The following MEIKIN variants were observed in gnomAD, a reference collection of about 807,000 sequenced individuals.
MEIKIN encodes the protein meiosis-specific kinetochore protein.
At chr5:131,870,723 T>G (rs886493401) in intron 9 of MEIKIN, among the ~76,000 whole-genome samples, 2 of 152,180 alleles carry the variant, frequency 1.3e-5, no homozygotes, top group Admixed American at 1.3e-4. Context: ...ATCGATCAAC[T>G]CTACAGGCAA....
At chr5:131,942,097 A>C (rs1381214152) in intron 4 of MEIKIN, among the ~76,000 whole-genome samples, 3 of 152,172 alleles carry the variant, frequency 2.0e-5, no homozygotes, top group Non-Finnish European at 4.4e-5. Flanking sequence ...AAATGACTTC[A>C]ATGACTTTTT....
intron 8 of MEIKIN, among the ~76,000 whole-genome samples, chr5:131,893,948 T>C (rs1750986342): frequency 1.3e-5 from 2 of 152,212 alleles, no homozygotes. Flanking sequence ...ATTGCTTTTG[T>C]TGTTTTAGTC....
At chr5:131,859,345 A>T (rs575434421) in intron 9 of MEIKIN, among the ~76,000 whole-genome samples, 4 of 152,256 alleles carry the variant, frequency 2.6e-5, no homozygotes, top group Non-Finnish European at 5.9e-5. Context: ...TTCCCATCCA[A>T]ATCTCATGTT....
chr5:131,824,025 T>A (rs959510985), intron 11 of MEIKIN, among the ~76,000 whole-genome samples: 5 of 152,138 alleles, frequency 3.3e-5, no homozygotes, highest in African/African-American at 4.8e-5. Context: ...GGAATCTCTA[T>A]CTCTCTTTGC....
At chr5:131,874,326 C>A (rs1319018580) in intron 9 of MEIKIN, among the ~76,000 whole-genome samples, 1 of 152,140 alleles carries the variant, frequency 6.6e-6, no homozygotes, top group African/African-American at 2.4e-5. Context: ...CACCACCGAT[C>A]CCACAGAAAT....
rs570202526 is a variant in MEIKIN, at chr5:131,871,086, G to A, written c.774+7892C>T. 1.8e-3 allele frequency among the ~76,000 whole-genome samples: 278 copies of A among 152,312 alleles called. 2 individuals carry two copies. The highest frequency in any genetic ancestry group is 2.9e-3 in the Non-Finnish European group (194 of 68,038). ...TCCCAGCATGAGCGACGCAGAAGAC[G>A]GGTGATTTCTGCATTTCCAACTGAG... On this transcript the variant is annotated intron_variant, in intron 9 of 12. Transcript: ENST00000442687.
chr5:131,899,009 G>A (rs56693941), intron 8 of MEIKIN, among the ~76,000 whole-genome samples: 4,054 of 152,224 alleles, frequency 0.027, 190 homozygotes, highest in African/African-American at 0.092. Context: ...CTTCTGTGTC[G>A]ATCACGCTGG....
intron 5 of MEIKIN, among the ~76,000 whole-genome samples, chr5:131,924,283 A>T (rs1453773144): frequency 6.6e-6 from 1 of 152,154 alleles, no homozygotes; most frequent in African/African-American, 2.4e-5. Flanking sequence ...TGCTGCAATG[A>T]ATAAGGGAGT....
rs143888800 is a variant in MEIKIN, at chr5:131,905,502, C to T, written c.703+6313G>A. ...ATACAAAACATCAATGAATCAGGGGCTACTTCTCTAAAAGAATTAATCTGA... is the reference window on the plus strand; with the variant it reads ...ATACAAAACATCAATGAATCAGGGGTTACTTCTCTAAAAGAATTAATCTGA... On this transcript the variant is annotated intron_variant, in intron 8 of 12. Transcript: ENST00000442687. Among the ~76,000 whole-genome samples the T allele has an allele frequency of 4.7e-3, 710 of 151,986 alleles. 8 individuals are homozygous for T. Among genetic ancestry groups the T allele is most frequent in the African/African-American group, 0.016 (673 of 41,470 alleles).
chr5:131,880,434 G>C (rs1352635650), intron 8 of MEIKIN, among the ~76,000 whole-genome samples: 3 of 147,158 alleles, frequency 2.0e-5, no homozygotes, highest in South Asian at 4.2e-4. Flanking sequence ...AGAGACGGGG[G>C]TCTCACCATG....
chr5:131,890,303 G>T (rs1029719810), intron 8 of MEIKIN, among the ~76,000 whole-genome samples: 15 of 152,174 alleles, frequency 9.9e-5, no homozygotes, highest in African/African-American at 3.4e-4. Context: ...ACCTCTGGTA[G>T]AATTCAGCTG....
chr5:131,812,335 G>A lies in MEIKIN; in HGVS notation c.1100-5077C>T, dbSNP rs549610080. Among the ~76,000 whole-genome samples the A allele has an allele frequency of 2.0e-5, 3 of 152,228 alleles. No homozygotes were observed. In the South Asian group the frequency reaches 6.2e-4, roughly 32 times the overall value. ...TTAATGGGCATTTGGATAGTTTCCAGCTTGAGGCTATCATGAACACTGATG... is the reference window on the plus strand; with the variant it reads ...TTAATGGGCATTTGGATAGTTTCCAACTTGAGGCTATCATGAACACTGATG... On this transcript the variant is annotated intron_variant, in intron 12 of 12. Coordinates refer to ENST00000442687, the MANE Select transcript of MEIKIN (RefSeq NM_001303622.2).
At chr5:131,886,978 C>T (rs1464807540) in intron 8 of MEIKIN, among the ~76,000 whole-genome samples, 1 of 120,498 alleles carries the variant, frequency 8.3e-6, no homozygotes, top group African/African-American at 3.1e-5. Context: ...GCTATCCATC[C>T]CCCAGCTCCC....
At chr5:131,912,001 A>G in intron 7 of MEIKIN, 122 bp from the exon 8 acceptor site, 1 of 384,464 alleles carries the variant, frequency 2.6e-6, no homozygotes, top group Non-Finnish European at 4.6e-6. Context: ...GGGAAAATAT[A>G]CAGTTGCTTA....
chr5:131,904,912 G>A (rs1751218381), intron 8 of MEIKIN, among the ~76,000 whole-genome samples: 1 of 152,040 alleles, frequency 6.6e-6, no homozygotes, highest in Non-Finnish European at 1.5e-5. Flanking sequence ...AACACCACAT[G>A]TTCTCATTTA....
chr5:131,857,809 T>C (rs1018961647), intron 9 of MEIKIN, among the ~76,000 whole-genome samples: 2 of 152,164 alleles, frequency 1.3e-5, no homozygotes, highest in African/African-American at 4.8e-5. Flanking sequence ...CACTGGCATG[T>C]GTGTGTACAT....
chr5:131,871,023 G>A (rs1028232535), intron 9 of MEIKIN, among the ~76,000 whole-genome samples: 1 of 152,142 alleles, frequency 6.6e-6, no homozygotes, highest in Non-Finnish European at 1.5e-5. Context: ...AGAAGGAGGA[G>A]CCAAGATGGC....
intron 9 of MEIKIN, among the ~76,000 whole-genome samples, chr5:131,876,938 T>A (rs924877521): frequency 7.0e-6 from 1 of 142,662 alleles, no homozygotes; most frequent in Non-Finnish European, 1.5e-5. Context: ...TAGGTGGGAA[T>A]TGAACAGTGA....
intron 6 of MEIKIN, among the ~76,000 whole-genome samples, chr5:131,920,339 G>T (rs1751483789): frequency 6.6e-6 from 1 of 152,100 alleles, no homozygotes; most frequent in Non-Finnish European, 1.5e-5. Flanking sequence ...TAGCAGGAAA[G>T]AACAGAATAA....
Sources: allele counts gnomAD v4.1 joint callset (sites outside exome capture counted in the v4.1 genomes callset), GRCh38; gene constraint gnomAD v4.1.1; transcripts MANE v1.5; gene names NCBI Gene and HGNC (gene_info 2026-07-23, HGNC 2026-07-21).